The following TWSG1 variants were observed in gnomAD, a reference collection of about 807,000 sequenced individuals.
The protein encoded by TWSG1 is twisted gastrulation BMP signaling modulator 1, also known as twisted gastrulation protein homolog 1.
Under a neutral mutation model 23.0 loss-of-function variants are expected in TWSG1, and 15 were observed. The ratio of observed to expected loss-of-function variants is 0.65; its 90% confidence interval spans 0.44 to 1.00. TWSG1 has a LOEUF of 1.00. TWSG1 is among the 50% of genes least tolerant of loss of function. TWSG1 has a pLI of 0.00. For missense variants in TWSG1, 242 were observed against 278.7 expected, an observed-to-expected ratio of 0.87 and a Z score of 0.94; for synonymous variants, 86 against 92.8, an observed-to-expected ratio of 0.93 and a Z score of 0.42.
At chr18:9,363,174 C>A (rs975885862) in intron 3 of TWSG1, among the ~76,000 whole-genome samples, 3 of 152,148 alleles carry the variant, frequency 2.0e-5, no homozygotes, top group Admixed American at 1.3e-4. Context: ...AGGAAACTTT[C>A]CCCTGTGGCT....
intron 3 of TWSG1, among the ~76,000 whole-genome samples, chr18:9,373,884 A>C (rs2040617172): frequency 1.3e-5 from 2 of 152,236 alleles, no homozygotes; most frequent in Admixed American, 6.5e-5. Flanking sequence ...GAATTAAATA[A>C]AAAATCAATA....
At chr18:9,366,819 A>T (rs1598827693) in intron 3 of TWSG1, among the ~76,000 whole-genome samples, 1 of 152,292 alleles carries the variant, frequency 6.6e-6, no homozygotes, top group Non-Finnish European at 1.5e-5. Flanking sequence ...AATAGTATAT[A>T]TTTACCCAGT....
intron 3 of TWSG1, among the ~76,000 whole-genome samples, chr18:9,394,898 T>C (rs1384725791): frequency 6.6e-6 from 1 of 152,056 alleles, no homozygotes; most frequent in East Asian, 1.9e-4. Context: ...ACAAAGATAT[T>C]CTCCTAAAAA....
At chr18:9,352,025 A>G (rs1411581471) in intron 2 of TWSG1, among the ~76,000 whole-genome samples, 1 of 152,148 alleles carries the variant, frequency 6.6e-6, no homozygotes, top group Non-Finnish European at 1.5e-5. Flanking sequence ...ATCAAGATAG[A>G]GAATATTTTT....
chr18:9,358,933 T>C (rs1258659141), intron 2 of TWSG1, among the ~76,000 whole-genome samples: 1 of 152,178 alleles, frequency 6.6e-6, no homozygotes, highest in Non-Finnish European at 1.5e-5. Flanking sequence ...GGCTATGGAA[T>C]TTCCATTTCA....
intron 2 of TWSG1, among the ~76,000 whole-genome samples, chr18:9,344,009 T>C (rs1263025365): frequency 1.3e-5 from 2 of 152,172 alleles, no homozygotes; most frequent in African/African-American, 4.8e-5. Flanking sequence ...CAAACGATCC[T>C]CTCACCTTGG....
intron 3 of TWSG1, among the ~76,000 whole-genome samples, chr18:9,376,584 G>A (rs149720379): frequency 1.3e-5 from 2 of 152,200 alleles, no homozygotes; most frequent in Non-Finnish European, 2.9e-5. Flanking sequence ...GCTCACGCCT[G>A]TAATCTCACC....
intron 3 of TWSG1, among the ~76,000 whole-genome samples, chr18:9,390,186 A>T (rs1243099134): frequency 2.7e-5 from 4 of 150,050 alleles, no homozygotes; most frequent in Non-Finnish European, 4.4e-5. Context: ...TTTGAGATGG[A>T]GTCTCGCTCT....
intron 3 of TWSG1, among the ~76,000 whole-genome samples, chr18:9,371,354 T>C (rs2040604406): frequency 6.7e-6 from 1 of 150,346 alleles, no homozygotes; most frequent in Non-Finnish European, 1.5e-5. Context: ...TGGAGTGCAA[T>C]GGTGTGATCT....
rs144495940 is a variant in TWSG1, at chr18:9,384,226, G to C, written c.224-12054G>C. On this transcript the variant is annotated intron_variant, in intron 3 of 4. Transcript: ENST00000262120. ...AGCCAGGAATAACCTTTAGGCTTCT[G>C]TTTATGTGACTGGATAAATTGTGAC... Among the ~76,000 whole-genome samples, 283 of 152,296 alleles carry C rather than the reference G, an allele frequency of 1.9e-3. 3 individuals carry two copies. The highest frequency in any genetic ancestry group is 6.5e-3 in the African/African-American group (271 of 41,556).
chr18:9,397,049 C>G (rs2040740616), intron 4 of TWSG1: 1 of 138,728 alleles, frequency 7.2e-6, no homozygotes, highest in South Asian at 2.4e-4. Context: ...CAGAGCAAGA[C>G]TCCGTCTCAC....
intron 3 of TWSG1, among the ~76,000 whole-genome samples, chr18:9,361,820 A>G (rs1046609104): frequency 6.6e-6 from 1 of 152,036 alleles, no homozygotes. Flanking sequence ...CTCATCTCCT[A>G]CAGTTGTGGA....
intron 3 of TWSG1, among the ~76,000 whole-genome samples, chr18:9,375,413 C>T (rs915042314): frequency 2.0e-5 from 3 of 152,066 alleles, no homozygotes; most frequent in Middle Eastern, 3.2e-3. Context: ...GAAGCTTTCC[C>T]ACTATAGTCA....
At position 9,402,224 on chromosome 18, in the gene TWSG1, G is replaced by GA. The variant is rs2040765729; in HGVS notation, c.*2703dup. The GA allele has an allele frequency of 6.6e-6, 1 of 152,144 alleles. No individual in the cohort carries two copies. Among genetic ancestry groups the GA allele is most frequent in the South Asian group, 2.1e-4 (1 of 4,818 alleles). 9.4% of individuals were successfully genotyped at this position (152,144 alleles called of 1,614,324 possible). A position where few individuals can be genotyped will look rare whatever the true frequency, so the allele number is the denominator to read the frequency against. On this transcript the variant is annotated 3_prime_UTR_variant, in exon 5 of 5. Transcript: ENST00000262120. The stretch of plus-strand genomic sequence containing the variant: ...TAAAATGGAGAAAAGAAAGTTTTCT[G>GA]AAAAAATGCAGTAAATATAAGCCAC...
chr18:9,335,789 TCACCCTTTTATTATTTTTCCTTTAATGTA>T (rs1221147458), intron 1 of TWSG1, among the ~76,000 whole-genome samples: 1 of 152,238 alleles, frequency 6.6e-6, no homozygotes, highest in African/African-American at 2.4e-5. Context: ...TTTATTCTTT[TCACCCTTTTATTATTTTTCCTTTAATGTA>T]CTTTGTAACA....
chr18:9,356,255 C>T (rs559313078), intron 2 of TWSG1, among the ~76,000 whole-genome samples: 1 of 152,312 alleles, frequency 6.6e-6, no homozygotes, highest in East Asian at 1.9e-4. Context: ...AAGTGCAGGA[C>T]AGGCATCTAT....
At chr18:9,386,172 AAAAG>A (rs1297537935) in intron 3 of TWSG1, among the ~76,000 whole-genome samples, 4 of 151,598 alleles carry the variant, frequency 2.6e-5, no homozygotes, top group African/African-American at 9.7e-5. Context: ...TCAAAAAAAA[AAAAG>A]AAGCCGAGTG....
At chr18:9,359,433 T>A (rs1053138120) in intron 2 of TWSG1, among the ~76,000 whole-genome samples, 12 of 152,292 alleles carry the variant, frequency 7.9e-5, no homozygotes, top group African/African-American at 2.9e-4. Flanking sequence ...TGTCCTTTGA[T>A]CAGAGGAGCT....
At chr18:9,379,447 C>T (rs1310966302) in intron 3 of TWSG1, among the ~76,000 whole-genome samples, 1 of 151,990 alleles carries the variant, frequency 6.6e-6, no homozygotes, top group South Asian at 2.1e-4. Context: ...GTTATGTTCT[C>T]ATTGAGCTAA....
Sources: allele counts gnomAD v4.1 joint callset (sites outside exome capture counted in the v4.1 genomes callset), GRCh38; gene constraint gnomAD v4.1.1; transcripts MANE v1.5; gene names NCBI Gene and HGNC (gene_info 2026-07-23, HGNC 2026-07-21).